The following NAV2 variants were observed in gnomAD, a reference collection of about 807,000 sequenced individuals.
NAV2 encodes the protein neuron navigator 2, also known as helicase, APC down-regulated 1.
NAV2 carries 54 observed loss-of-function variants against 223.2 expected under a neutral mutation model. That is an observed-to-expected ratio of 0.24 (90% CI 0.19 to 0.30). The LOEUF (loss-of-function observed/expected upper bound fraction) is 0.30, where lower values mean the gene tolerates loss of function less well. Among genes scored for constraint, NAV2 ranks in the 10% least tolerant of loss-of-function variants. NAV2 has a pLI of 1.00. For synonymous variants in NAV2, 1,279 were observed against 1,239.3 expected (o/e 1.03, Z -0.67); for missense variants, 2,806 against 3,147.5 (o/e 0.89, Z 2.60).
At chr11:19,443,655 A>T (rs1307451927) in intron 1 of NAV2, among the ~76,000 whole-genome samples, 1 of 152,112 alleles carries the variant, frequency 6.6e-6, no homozygotes, top group Non-Finnish European at 1.5e-5. Context: ...CTTCCCAAAG[A>T]GTGTTTACAC....
intron 36 of NAV2, among the ~76,000 whole-genome samples, chr11:20,108,702 T>G (rs545983305): frequency 1.3e-5 from 2 of 151,258 alleles, no homozygotes; most frequent in East Asian, 3.9e-4. Flanking sequence ...TTCACCCACC[T>G]TGGCCTCCCA....
intron 6 of NAV2, among the ~76,000 whole-genome samples, chr11:19,920,449 A>G (rs972298079): frequency 1.3e-5 from 2 of 151,938 alleles, no homozygotes; most frequent in African/African-American, 2.4e-5. Flanking sequence ...CACCACGCCC[A>G]GCTAATTTTT....
intron 36 of NAV2, among the ~76,000 whole-genome samples, chr11:20,111,331 T>C (rs2062621552): frequency 6.6e-6 from 1 of 152,296 alleles, no homozygotes; most frequent in African/African-American, 2.4e-5. Context: ...AAAGTGAATG[T>C]CCTCCCCTCT....
chr11:20,117,858 A>G (rs776947542), intron 37 of NAV2, among the ~76,000 whole-genome samples: 2 of 152,336 alleles, frequency 1.3e-5, no homozygotes, highest in South Asian at 2.1e-4. Flanking sequence ...CACCCATAAC[A>G]TTATAGGGCA....
intron 1 of NAV2, among the ~76,000 whole-genome samples, chr11:19,430,536 C>T (rs1470654442): frequency 6.6e-6 from 1 of 152,236 alleles, no homozygotes; most frequent in Non-Finnish European, 1.5e-5. Flanking sequence ...CATCCCCTCA[C>T]CTGGCTATCA....
At chr11:20,064,390 G>A (rs1216483359) in intron 20 of NAV2, among the ~76,000 whole-genome samples, 10 of 152,176 alleles carry the variant, frequency 6.6e-5, no homozygotes, top group Non-Finnish European at 1.3e-4. Context: ...AGCTTCACAG[G>A]ACTGGCACAG....
At chr11:19,842,768 C>T in intron 2 of NAV2, 103 bp from the exon 3 acceptor site, 1 of 997,986 alleles carries the variant, frequency 1.0e-6, no homozygotes, top group Non-Finnish European at 1.6e-6. Flanking sequence ...TGGACAAACC[C>T]TGGTATGGGC....
At chr11:19,388,618 T>G (rs1436527919) in intron 1 of NAV2, among the ~76,000 whole-genome samples, 1 of 152,076 alleles carries the variant, frequency 6.6e-6, no homozygotes, top group Non-Finnish European at 1.5e-5. Flanking sequence ...ATGGCGGATT[T>G]TGGTGGGTTT....
chr11:19,638,556 T>C (rs1197456724), intron 1 of NAV2, among the ~76,000 whole-genome samples: 3 of 152,244 alleles, frequency 2.0e-5, no homozygotes, highest in Admixed American at 6.5e-5. Context: ...CAAAGCTTTA[T>C]ATGCAAGGTC....
intron 1 of NAV2, among the ~76,000 whole-genome samples, chr11:19,715,924 C>G (rs1440630860): frequency 6.6e-6 from 1 of 152,178 alleles, no homozygotes. Flanking sequence ...TTGCCAGTGC[C>G]CAGGGGTTCT....
intron 11 of NAV2, among the ~76,000 whole-genome samples, chr11:20,009,495 C>T (rs926410671): frequency 6.6e-5 from 10 of 152,142 alleles, no homozygotes; most frequent in East Asian, 1.9e-4. Context: ...ATTTTTAAAA[C>T]GCTGACTTTG....
chr11:19,694,658 AGTCACTGGG>A (rs1352431033), intron 1 of NAV2, among the ~76,000 whole-genome samples: 1 of 152,210 alleles, frequency 6.6e-6, no homozygotes, highest in African/African-American at 2.4e-5. Context: ...CAATGCCCTT[AGTCACTGGG>A]GTCAGCTGGT....
intron 1 of NAV2, among the ~76,000 whole-genome samples, chr11:19,824,185 T>C (rs558554195): frequency 6.6e-6 from 1 of 152,344 alleles, no homozygotes; most frequent in South Asian, 2.1e-4. Flanking sequence ...AAAGCAACTG[T>C]ATATCACCAC....
At chr11:19,410,073 C>T (rs906164622) in intron 1 of NAV2, among the ~76,000 whole-genome samples, 1 of 152,198 alleles carries the variant, frequency 6.6e-6, no homozygotes, top group Non-Finnish European at 1.5e-5. Flanking sequence ...CCCTGCCAAT[C>T]CTTTGTGGAG....
chr11:19,462,815 T>C (rs1037323599), intron 1 of NAV2, among the ~76,000 whole-genome samples: 18 of 152,204 alleles, frequency 1.2e-4, no homozygotes, highest in African/African-American at 2.4e-4. Context: ...TGAGTCTTAG[T>C]TGGAGTCTTG....
intron 1 of NAV2, among the ~76,000 whole-genome samples, chr11:19,601,056 G>A (rs1471839140): frequency 6.6e-6 from 1 of 152,164 alleles, no homozygotes. Context: ...AAGAGCTTCA[G>A]CCTGGTCTTT....
chr11:20,114,982 C>A (rs906587573), intron 37 of NAV2, among the ~76,000 whole-genome samples, 187 bp downstream of exon 37: 2 of 152,250 alleles, frequency 1.3e-5, no homozygotes, highest in East Asian at 3.9e-4. Flanking sequence ...CTAAAAACTT[C>A]TCCTCTGAAA....
At chr11:19,689,365 A>G (rs556718353) in intron 1 of NAV2, among the ~76,000 whole-genome samples, 13 of 152,376 alleles carry the variant, frequency 8.5e-5, no homozygotes, top group African/African-American at 3.1e-4. Flanking sequence ...CAAGAAGCCT[A>G]GAACCAGGAA....
chr11:20,103,637 T>C lies in NAV2; in HGVS notation c.6573-16T>C. 1 of 1,613,758 alleles carries C rather than the reference T, an allele frequency of 6.2e-7. No homozygotes were observed. The highest frequency in any genetic ancestry group is 8.5e-7 in the Non-Finnish European group (1 of 1,179,638). On this transcript the variant is annotated splice_polypyrimidine_tract_variant and intron_variant, in intron 33 of 37. Coordinates refer to ENST00000349880, the MANE Select transcript of NAV2 (RefSeq NM_145117.5). ...GCTTGGAATCACAGCTTTCTTTTCC[T>C]TTATTTTATCCGCAGCCCTTACATA...
Sources: allele counts gnomAD v4.1 joint callset (sites outside exome capture counted in the v4.1 genomes callset), GRCh38; gene constraint gnomAD v4.1.1; transcripts MANE v1.5; gene names NCBI Gene and HGNC (gene_info 2026-07-23, HGNC 2026-07-21).